SPPL3: variants seen among roughly 807,000 people sequenced by gnomAD.
SPPL3 encodes the protein signal peptide peptidase like 3, also known as signal peptide peptidase-like 3.
A neutral mutation model predicts 42.4 loss-of-function variants in SPPL3; 5 were observed. The observed-to-expected ratio is 0.12, with a 90% CI of 0.06 to 0.25. The LOEUF is 0.25. Among genes scored for constraint, SPPL3 ranks in the 10% least tolerant of loss-of-function variants. The pLI, the probability that SPPL3 is intolerant of heterozygous loss-of-function variation, is 1.00. For synonymous variants in SPPL3, 195 were observed against 181.8 expected (o/e 1.07, Z -0.58); for missense variants, 235 against 489.0 (o/e 0.48, Z 4.90).
chr12:120,837,280 G>A (rs1871652448), intron 1 of SPPL3, among the ~76,000 whole-genome samples: 1 of 152,074 alleles, frequency 6.6e-6, no homozygotes, highest in South Asian at 2.1e-4. Flanking sequence ...CCCTTCAACT[G>A]GCTAGAGAGA....
intron 1 of SPPL3, among the ~76,000 whole-genome samples, chr12:120,825,250 AT>A (rs1293352278): frequency 6.6e-6 from 1 of 152,262 alleles, no homozygotes; most frequent in Non-Finnish European, 1.5e-5. Flanking sequence ...AAACTATATA[AT>A]CCAGCCAATT....
At chr12:120,879,018 C>T (rs906801085) in intron 1 of SPPL3, among the ~76,000 whole-genome samples, 6 of 141,154 alleles carry the variant, frequency 4.3e-5, no homozygotes, top group African/African-American at 1.6e-4. Context: ...GAGGTTGAGG[C>T]AGGAAAATCA....
chr12:120,870,483 C>A (rs1321450452), intron 1 of SPPL3, among the ~76,000 whole-genome samples: 1 of 151,830 alleles, frequency 6.6e-6, no homozygotes, highest in Non-Finnish European at 1.5e-5. Context: ...ATGCAAAAAT[C>A]AAACTGGGAA....
In SPPL3 at chr12:120,773,115, CATG is replaced by C. The variant is rs960907577; in HGVS notation, c.503-4059_503-4057del. On this transcript the variant is annotated intron_variant, in intron 6 of 10. Transcript: ENST00000353487. ...CAGAGCTGCAAAGGGATGACTGAAA[CATG>C]ATGTTTAGGACACTGAGAGATGTAC... Among the ~76,000 whole-genome samples the C allele has an allele frequency of 5.9e-5, 9 of 152,160 alleles. 1 individual carries two copies. The highest frequency in any genetic ancestry group is 2.2e-4 in the African/African-American group (9 of 41,440).
chr12:120,876,808 TACACACACACACACACACAC>T (rs71076677), intron 1 of SPPL3, among the ~76,000 whole-genome samples: 2 of 146,696 alleles, frequency 1.4e-5, no homozygotes, highest in East Asian at 2.0e-4. Flanking sequence ...GAGAAACACA[TACACACACACACACACACAC>T]ACACACACAC....
intron 6 of SPPL3, among the ~76,000 whole-genome samples, chr12:120,779,997 CAA>C (rs63515160): frequency 4.2e-5 from 5 of 119,902 alleles, no homozygotes; most frequent in Non-Finnish European, 3.5e-5. Context: ...GACTCCATCT[CAA>C]AAAAAAAAAA....
rs142471123 is a variant in SPPL3, at chr12:120,767,482, G to A, written c.885C>T (p.Asp295=). The stretch of plus-strand genomic sequence containing the variant: ...TGGCAGGTCCAGGGGCCCCACAGGA[G>A]TCCCCACTGGCTTGCTTTTTGTAGT... ...YDNYKKQASG[D]SCGAPGPANI... Residue 295 remains aspartate, a synonymous_variant, in exon 9 of 11, where the codon GAC becomes GAT. Transcript: ENST00000353487. 3.4e-5 allele frequency: 55 copies of A among 1,614,182 alleles called. No individual in the cohort carries two copies. In the African/African-American group the frequency reaches 5.6e-4, roughly 16 times the overall value.
chr12:120,831,506 C>T (rs589210), intron 1 of SPPL3, among the ~76,000 whole-genome samples: 151,122 of 152,294 alleles, frequency 0.99, 74,997 homozygotes, highest in Middle Eastern at 1. Context: ...TTTCTATATT[C>T]CACTTTGCAT....
At chr12:120,871,813 A>C (rs147677673) in intron 1 of SPPL3, among the ~76,000 whole-genome samples, 17 of 152,298 alleles carry the variant, frequency 1.1e-4, no homozygotes, top group African/African-American at 3.4e-4. Context: ...ATCCTTCCAT[A>C]TACTTTAAAT....
chr12:120,790,826 CTTTTT>C, intron 3 of SPPL3, among the ~76,000 whole-genome samples: 1 of 147,080 alleles, frequency 6.8e-6, no homozygotes, highest in East Asian at 2.0e-4. Context: ...TATCTTGGCA[CTTTTT>C]TTTTTTTTGA....
At chr12:120,780,695 C>T (rs911731322) in intron 6 of SPPL3, among the ~76,000 whole-genome samples, 1 of 150,834 alleles carries the variant, frequency 6.6e-6, no homozygotes, top group Non-Finnish European at 1.5e-5. Flanking sequence ...CGAGACTAGC[C>T]TGACCAACAT....
intron 2 of SPPL3, among the ~76,000 whole-genome samples, chr12:120,793,224 A>G (rs1869979867): frequency 6.6e-6 from 1 of 152,206 alleles, no homozygotes; most frequent in African/African-American, 2.4e-5. Flanking sequence ...AACCATGAGA[A>G]ACTGGCTGGA....
intron 1 of SPPL3, among the ~76,000 whole-genome samples, chr12:120,843,562 G>C (rs1381652224): frequency 1.3e-5 from 2 of 152,140 alleles, no homozygotes; most frequent in Non-Finnish European, 1.5e-5. Flanking sequence ...ACATCTGCCA[G>C]ATCCTTTCTC....
At chr12:120,852,115 C>T (rs1872243383) in intron 1 of SPPL3, among the ~76,000 whole-genome samples, 1 of 151,652 alleles carries the variant, frequency 6.6e-6, no homozygotes, top group Non-Finnish European at 1.5e-5. Flanking sequence ...CGAGTTTGAA[C>T]CTGCAGGCCT....
At chr12:120,826,485 C>A (rs897257404) in intron 1 of SPPL3, among the ~76,000 whole-genome samples, 1 of 152,022 alleles carries the variant, frequency 6.6e-6, no homozygotes, top group South Asian at 2.1e-4. Context: ...GAACCCTTGA[C>A]ACGGATCACC....
intron 1 of SPPL3, among the ~76,000 whole-genome samples, chr12:120,816,954 C>A (rs1870900516): frequency 6.6e-6 from 1 of 151,998 alleles, no homozygotes; most frequent in African/African-American, 2.4e-5. Flanking sequence ...CCTCTTTGGG[C>A]CCAGATAAAC....
intron 1 of SPPL3, among the ~76,000 whole-genome samples, chr12:120,900,043 C>T (rs760904501): frequency 2.2e-4 from 33 of 151,942 alleles, no homozygotes; most frequent in Non-Finnish European, 3.7e-4. Context: ...TATAAAGGGC[C>T]TTGTTGAAAA....
chr12:120,820,949 C>T (rs1373641528), intron 1 of SPPL3, among the ~76,000 whole-genome samples: 1 of 151,986 alleles, frequency 6.6e-6, no homozygotes. Context: ...AAAATATTAT[C>T]CCTGCATTAT....
intron 1 of SPPL3, among the ~76,000 whole-genome samples, chr12:120,892,033 C>A (rs1873659167): frequency 6.6e-6 from 1 of 152,100 alleles, no homozygotes; most frequent in Non-Finnish European, 1.5e-5. Context: ...ACACTTGAAC[C>A]AACTTAACAG....
Sources: allele counts gnomAD v4.1 joint callset (sites outside exome capture counted in the v4.1 genomes callset), GRCh38; gene constraint gnomAD v4.1.1; transcripts MANE v1.5; gene names NCBI Gene and HGNC (gene_info 2026-07-23, HGNC 2026-07-21).